Variants in ANAPC10 observed in about 807,000 individuals in gnomAD.
ANAPC10 encodes anaphase promoting complex subunit 10, also known as anaphase-promoting complex subunit 10.
ANAPC10 carries 12 observed loss-of-function variants against 22.0 expected under a neutral mutation model. The observed-to-expected ratio is 0.55, with a 90% CI of 0.35 to 0.88. ANAPC10 has a LOEUF of 0.88. Ranked by LOEUF, ANAPC10 falls within the 40% of genes least tolerant of loss-of-function variation. The pLI, the probability that ANAPC10 is intolerant of heterozygous loss-of-function variation, is 0.01. For synonymous variants in ANAPC10, 65 were observed against 69.5 expected, an observed-to-expected ratio of 0.94 and a Z score of 0.32; for missense variants, 188 against 220.9, an observed-to-expected ratio of 0.85 and a Z score of 0.94.
intron 3 of ANAPC10, among the ~76,000 whole-genome samples, chr4:145,079,373 AAAT>A (rs1209343220): frequency 2.6e-5 from 4 of 152,208 alleles, no homozygotes; most frequent in Admixed American, 2.6e-4. Context: ...AGTCAAAAAA[AAAT>A]AACAGATGCT....
chr4:145,012,607 C>T (rs1026176009), intron 4 of ANAPC10, among the ~76,000 whole-genome samples: 1 of 151,990 alleles, frequency 6.6e-6, no homozygotes, highest in African/African-American at 2.4e-5. Flanking sequence ...TCAATGCTAA[C>T]ATAAAGAAGT....
At chr4:145,096,141 T>C (rs1410035374) in intron 1 of ANAPC10, 30 bp from the exon 2 acceptor site, 3 of 1,598,164 alleles carry the variant, frequency 1.9e-6, no homozygotes, top group African/African-American at 2.7e-5. Context: ...GCACACATTG[T>C]ATCAGGAACT....
intron 4 of ANAPC10, among the ~76,000 whole-genome samples, chr4:145,037,543 C>T (rs1195481003): frequency 1.3e-5 from 2 of 152,022 alleles, no homozygotes; most frequent in African/African-American, 2.4e-5. Context: ...TGGATTACAA[C>T]CCACTGAGAA....
At chr4:145,016,550 G>T (rs1221554878) in intron 4 of ANAPC10, among the ~76,000 whole-genome samples, 1 of 152,176 alleles carries the variant, frequency 6.6e-6, no homozygotes, top group Non-Finnish European at 1.5e-5. Context: ...ATTGCCCAAG[G>T]TAATTTATAG....
rs1434363509 is a variant in ANAPC10 at position 144,995,246 on chromosome 4, T to C, written c.*127A>G. The C allele has an allele frequency of 3.8e-6, 2 of 522,810 alleles. No homozygotes were observed. The highest frequency in any genetic ancestry group is 6.3e-6 in the Non-Finnish European group (2 of 318,132). 32.4% of individuals were successfully genotyped at this position (522,810 alleles called of 1,614,324 possible). A position where few individuals can be genotyped will look rare whatever the true frequency, so the allele number is the denominator to read the frequency against. On this transcript the variant is annotated 3_prime_UTR_variant, in exon 5 of 5. Transcript: ENST00000507656. The stretch of plus-strand genomic sequence containing the variant: ...CCAAATTTATTTGTCAAAGTTACAA[T>C]AAAATATTTTTAAACATATACAAAA...
intron 4 of ANAPC10, among the ~76,000 whole-genome samples, chr4:145,046,568 T>C (rs1360014997): frequency 6.6e-6 from 1 of 152,058 alleles, no homozygotes; most frequent in Admixed American, 6.6e-5. Context: ...ATTAGCTAAA[T>C]ACTAGGAAGC....
intron 4 of ANAPC10, among the ~76,000 whole-genome samples, chr4:145,055,799 G>T (rs2126381648): frequency 6.6e-6 from 1 of 152,198 alleles, no homozygotes; most frequent in Non-Finnish European, 1.5e-5. Flanking sequence ...ATGATTTTTG[G>T]TTTTGAAAGA....
chr4:145,017,363 G>A (rs1735333926), intron 4 of ANAPC10, among the ~76,000 whole-genome samples: 1 of 152,192 alleles, frequency 6.6e-6, no homozygotes, highest in African/African-American at 2.4e-5. Context: ...ACAGACACAT[G>A]AAAAAATGCT....
chr4:145,082,905 GA>G (rs1746285394), intron 2 of ANAPC10, among the ~76,000 whole-genome samples: 1 of 152,156 alleles, frequency 6.6e-6, no homozygotes, highest in Admixed American at 6.5e-5. Context: ...AAGACACAGT[GA>G]AAAGTCACTA....
chr4:145,009,176 T>C (rs1407111080), intron 4 of ANAPC10, among the ~76,000 whole-genome samples: 1 of 151,916 alleles, frequency 6.6e-6, no homozygotes, highest in Non-Finnish European at 1.5e-5. Context: ...CTCAACGAAA[T>C]AAAAGAGGAC....
intron 4 of ANAPC10, among the ~76,000 whole-genome samples, chr4:145,036,152 C>T (rs144529779): frequency 1.6e-4 from 24 of 151,954 alleles, no homozygotes; most frequent in African/African-American, 5.3e-4. Flanking sequence ...AATACTTATG[C>T]GATCATAATA....
At chr4:145,089,109 ACTT>A (rs1747304384) in intron 2 of ANAPC10, among the ~76,000 whole-genome samples, 1 of 152,176 alleles carries the variant, frequency 6.6e-6, no homozygotes, top group Admixed American at 6.5e-5. Context: ...GTAGCCTCCC[ACTT>A]AAAGTTACTT....
chr4:145,074,748 G>C (rs919962700), intron 3 of ANAPC10, among the ~76,000 whole-genome samples: 1 of 152,108 alleles, frequency 6.6e-6, no homozygotes. Context: ...AAATTTTTCT[G>C]ACAGGTAGCA....
chr4:145,063,935 A>G (rs35145039), intron 4 of ANAPC10: 5 of 152,100 alleles, frequency 3.3e-5, no homozygotes, highest in African/African-American at 1.2e-4. Context: ...TAAAAAATCA[A>G]TCAATCAATA....
chr4:145,061,819 A>G (rs1379736909), intron 4 of ANAPC10, among the ~76,000 whole-genome samples: 2 of 152,140 alleles, frequency 1.3e-5, no homozygotes, highest in Non-Finnish European at 2.9e-5. Flanking sequence ...TTGGTCCAAA[A>G]ATAAGAGGCC....
chr4:145,001,469 T>C (rs1164252805), intron 4 of ANAPC10, among the ~76,000 whole-genome samples: 1 of 152,056 alleles, frequency 6.6e-6, no homozygotes, highest in Non-Finnish European at 1.5e-5. Flanking sequence ...AAAGAGAAAT[T>C]GAAATTTATT....
At chr4:145,037,742 T>C (rs533486217) in intron 4 of ANAPC10, among the ~76,000 whole-genome samples, 1 of 150,872 alleles carries the variant, frequency 6.6e-6, no homozygotes, top group East Asian at 1.9e-4. Context: ...AGCCCAGGAG[T>C]TTCAGAGCAG....
At chr4:145,097,430 C>T (rs1748733906) in intron 1 of ANAPC10, 3 of 1,204,486 alleles carry the variant, frequency 2.5e-6, no homozygotes, top group African/African-American at 1.6e-5. Context: ...GCTTTGGTAG[C>T]GCAGTTACTG....
chr4:145,070,677 G>T (rs1158251885), intron 3 of ANAPC10, among the ~76,000 whole-genome samples: 2 of 152,220 alleles, frequency 1.3e-5, no homozygotes, highest in African/African-American at 4.8e-5. Flanking sequence ...TCAGGTACTT[G>T]AACAGATATT....
Sources: gnomAD v4.1 joint callset for allele counts (sites outside exome capture counted in the v4.1 genomes callset) on GRCh38, gnomAD v4.1.1 for gene constraint, MANE v1.5 for transcripts, NCBI Gene and HGNC (gene_info 2026-07-23, HGNC 2026-07-21) for gene names.